EVI5: variants seen among roughly 807,000 people sequenced by gnomAD.
The protein encoded by EVI5 is ecotropic viral integration site 5, also known as ecotropic viral integration site 5 protein homolog.
A neutral mutation model predicts 112.0 loss-of-function variants in EVI5; 73 were observed. The ratio of observed to expected loss-of-function variants is 0.65; its 90% CI spans 0.54 to 0.79. The LOEUF (loss-of-function observed/expected upper bound fraction) is 0.79, where lower values mean the gene tolerates loss of function less well. Ranked by LOEUF, EVI5 falls within the 30% of genes least tolerant of loss-of-function variation. The probability of loss-of-function intolerance (pLI) is 0.00; values close to 1 mark genes in which losing one functional copy is unlikely to be tolerated. For synonymous variants in EVI5, 305 were observed against 319.9 expected, an observed-to-expected ratio of 0.95 and a Z score of 0.50; for missense variants, 900 against 968.8, an observed-to-expected ratio of 0.93 and a Z score of 0.94.
intron 1 of EVI5, among the ~76,000 whole-genome samples, chr1:92,747,735 A>AAC (rs1679520751): frequency 1.3e-5 from 2 of 150,934 alleles, no homozygotes; most frequent in Admixed American, 1.3e-4. Flanking sequence ...AAACAAAAAA[A>AAC]AAAACCACCC....
chr1:92,573,091 T>C (rs939903475), intron 18 of EVI5, among the ~76,000 whole-genome samples: 5 of 152,076 alleles, frequency 3.3e-5, no homozygotes, highest in African/African-American at 1.2e-4. Flanking sequence ...TTTAAATGGC[T>C]AAGGAAATGA....
chr1:92,749,964 T>C lies in EVI5; in HGVS notation c.-81-13337A>G, dbSNP rs190989767. On this transcript the variant is annotated intron_variant, in intron 1 of 19. Coordinates refer to ENST00000684568, the MANE Select transcript of EVI5 (RefSeq NM_001350197.2). Reference sequence around the variant, plus strand: ...TGAAAATAAGCTCACCACTCAAAAATATAACTCACACAAGAGACAAAACTC... The same window carrying C: ...TGAAAATAAGCTCACCACTCAAAAACATAACTCACACAAGAGACAAAACTC... Among the ~76,000 whole-genome samples the C allele has an allele frequency of 2.6e-5, 4 of 152,208 alleles. No individual in the cohort carries two copies. In the East Asian group the frequency reaches 5.8e-4, roughly 22 times the overall value.
intron 14 of EVI5, among the ~76,000 whole-genome samples, chr1:92,634,266 T>C (rs965098014): frequency 2.0e-5 from 3 of 152,210 alleles, no homozygotes; most frequent in Non-Finnish European, 4.4e-5. Flanking sequence ...GATAATATCC[T>C]GCAGAGTTTT....
chr1:92,729,566 T>C (rs1420060966), intron 2 of EVI5, among the ~76,000 whole-genome samples: 1 of 99,096 alleles, frequency 1.0e-5, no homozygotes, highest in Non-Finnish European at 2.7e-5. Context: ...GGTTCCCTGA[T>C]ACCAAAGATA....
intron 18 of EVI5, among the ~76,000 whole-genome samples, chr1:92,600,551 T>C (rs74802458): frequency 1.3e-5 from 2 of 152,298 alleles, no homozygotes; most frequent in East Asian, 3.9e-4. Context: ...ACCTTTTTGG[T>C]ACTAGTGACA....
At chr1:92,547,907 C>T (rs1371016152) in intron 19 of EVI5, among the ~76,000 whole-genome samples, 1 of 152,194 alleles carries the variant, frequency 6.6e-6, no homozygotes, top group Admixed American at 6.5e-5. Context: ...CAGCCGAATT[C>T]CACCAGAGGT....
At chr1:92,574,312 A>G (rs1337852286) in intron 18 of EVI5, among the ~76,000 whole-genome samples, 1 of 152,152 alleles carries the variant, frequency 6.6e-6, no homozygotes, top group African/African-American at 2.4e-5. Context: ...TATTTGTGCA[A>G]TGTGTATATG....
At chr1:92,569,620 C>T (rs1669997470) in intron 18 of EVI5, among the ~76,000 whole-genome samples, 1 of 151,898 alleles carries the variant, frequency 6.6e-6, no homozygotes, top group Non-Finnish European at 1.5e-5. Flanking sequence ...CTTTGGGAGG[C>T]CGAGGCAGGC....
intron 13 of EVI5, among the ~76,000 whole-genome samples, chr1:92,639,296 T>C (rs949300862): frequency 3.9e-5 from 6 of 152,124 alleles, no homozygotes; most frequent in African/African-American, 1.2e-4. Context: ...GTAATCCTTT[T>C]TGCTTGTGTC....
At chr1:92,571,065 A>C (rs745567537) in intron 18 of EVI5, among the ~76,000 whole-genome samples, 8 of 151,896 alleles carry the variant, frequency 5.3e-5, no homozygotes, top group Non-Finnish European at 8.8e-5. Flanking sequence ...TGTCTTATTT[A>C]GATTTAAATA....
intron 17 of EVI5, among the ~76,000 whole-genome samples, chr1:92,605,673 A>G (rs1650223471): frequency 6.6e-6 from 1 of 152,216 alleles, no homozygotes. Context: ...ATTTATGAAA[A>G]AACTCCAGGG....
intron 18 of EVI5, among the ~76,000 whole-genome samples, chr1:92,602,793 G>A (rs550026046): frequency 6.6e-6 from 1 of 152,044 alleles, no homozygotes; most frequent in South Asian, 2.1e-4. Context: ...ACTAAAAAAT[G>A]GACTTGGAGC....
At chr1:92,735,294 A>G (rs1677136536) in intron 2 of EVI5, among the ~76,000 whole-genome samples, 7 of 152,092 alleles carry the variant, frequency 4.6e-5, no homozygotes, top group Admixed American at 4.6e-4. Flanking sequence ...AATCCATACC[A>G]AAAAAACTAC....
chr1:92,787,540 TGAG>T (rs548923201), upstream of EVI5, among the ~76,000 whole-genome samples: 73 of 149,896 alleles, frequency 4.9e-4, no homozygotes, highest in South Asian at 3.6e-3. Context: ...AAGACTAGCC[TGAG>T]CAATATGGCA....
intron 14 of EVI5, among the ~76,000 whole-genome samples, chr1:92,633,777 T>A (rs880001076): frequency 3.3e-5 from 5 of 152,204 alleles, no homozygotes; most frequent in Non-Finnish European, 7.3e-5. Context: ...TCCTAGCCTC[T>A]ATGGTCTTTA....
At chr1:92,598,417 G>T (rs1480069331) in intron 18 of EVI5, among the ~76,000 whole-genome samples, 2 of 151,894 alleles carry the variant, frequency 1.3e-5, no homozygotes, top group Non-Finnish European at 2.9e-5. Context: ...TATAATTTAT[G>T]AAAAAAGTAG....
intron 14 of EVI5, among the ~76,000 whole-genome samples, chr1:92,627,028 C>T (rs896489451): frequency 2.6e-5 from 4 of 151,938 alleles, no homozygotes; most frequent in Non-Finnish European, 4.4e-5. Flanking sequence ...TATATTTTTC[C>T]GTAAGTTATT....
At chr1:92,684,796 AACAG>A (rs1668227363) in intron 9 of EVI5, among the ~76,000 whole-genome samples, 2 of 152,284 alleles carry the variant, frequency 1.3e-5, no homozygotes, top group Admixed American at 1.3e-4. Flanking sequence ...CAAAGATAAA[AACAG>A]ACAAAGAAGG....
At chr1:92,775,571 A>G (rs1684004765) in intron 1 of EVI5, among the ~76,000 whole-genome samples, 1 of 152,182 alleles carries the variant, frequency 6.6e-6, no homozygotes, top group Non-Finnish European at 1.5e-5. Flanking sequence ...TTTGTAGCCT[A>G]GGAGCAAAAG....
Sources: gnomAD v4.1 joint callset for allele counts (sites outside exome capture counted in the v4.1 genomes callset) on GRCh38, gnomAD v4.1.1 for gene constraint, MANE v1.5 for transcripts, NCBI Gene and HGNC (gene_info 2026-07-23, HGNC 2026-07-21) for gene names.